SRGAP2C: variants seen among roughly 807,000 people sequenced by gnomAD.
The protein encoded by SRGAP2C is SLIT-ROBO Rho GTPase-activating protein 2C.
Under a neutral mutation model 25.1 loss-of-function variants are expected in SRGAP2C, and 15 were observed. The observed-to-expected ratio is 0.60, with a 90% CI of 0.40 to 0.92. The LOEUF is 0.92. Ranked by LOEUF, SRGAP2C falls within the 40% of genes least tolerant of loss-of-function variation. SRGAP2C has a pLI of 0.00. For synonymous variants in SRGAP2C, 44 were observed against 96.6 expected (o/e 0.46, Z 3.19); for missense variants, 144 against 264.4 (o/e 0.54, Z 3.16).
intron 3 of SRGAP2C, among the ~76,000 whole-genome samples, chr1:121,289,452 G>A (rs1376157063): frequency 1.7e-4 from 25 of 143,800 alleles, no homozygotes; most frequent in South Asian, 2.3e-4. Context: ...GCCCGCAAGC[G>A]CCGCACGCAG....
chr1:121,315,637 A>G (rs1658080969), intron 3 of SRGAP2C, among the ~76,000 whole-genome samples: 1 of 148,086 alleles, frequency 6.8e-6, no homozygotes, highest in South Asian at 2.1e-4. Context: ...ATGGACATAC[A>G]AATTTGGTCA....
intron 2 of SRGAP2C, among the ~76,000 whole-genome samples, chr1:121,270,922 A>T (rs1202772325): frequency 6.6e-6 from 1 of 150,450 alleles, no homozygotes; most frequent in Non-Finnish European, 1.5e-5. Context: ...CCTCCTGAGT[A>T]GCTGGGACTA....
chr1:121,206,859 G>T (rs1331960198), intron 2 of SRGAP2C, among the ~76,000 whole-genome samples: 2 of 151,378 alleles, frequency 1.3e-5, no homozygotes, highest in East Asian at 3.9e-4. Flanking sequence ...TGCCGAGATG[G>T]GTGTGGGGCC....
chr1:121,202,262 G>A, intron 2 of SRGAP2C, among the ~76,000 whole-genome samples: 1 of 152,108 alleles, frequency 6.6e-6, no homozygotes, highest in Non-Finnish European at 1.5e-5. Flanking sequence ...GAAGGAGGAG[G>A]CTATTGATGA....
intron 2 of SRGAP2C, among the ~76,000 whole-genome samples, chr1:121,228,751 G>A (rs1655744146): frequency 6.6e-6 from 1 of 151,444 alleles, no homozygotes; most frequent in Non-Finnish European, 1.5e-5. Context: ...TTAAACACTT[G>A]AATATAGTAA....
intron 2 of SRGAP2C, among the ~76,000 whole-genome samples, chr1:121,225,712 A>G (rs1250036018): frequency 2.6e-5 from 4 of 151,406 alleles, no homozygotes; most frequent in African/African-American, 4.9e-5. Flanking sequence ...TAATGTTTTA[A>G]AACTTTTTTT....
In SRGAP2C at chr1:121,249,574, A is replaced by AT. The variant is rs1325356455; in HGVS notation, c.68-35228dup. On this transcript the variant is annotated intron_variant, in intron 2 of 9. Transcript: ENST00000367123. ...TATATATATATATATATATATATAT[A>AT]TATATATTTTTTTTTTTTTTTTTTA... Among the ~76,000 whole-genome samples, 137 of 20,444 alleles carry AT rather than the reference A, an allele frequency of 6.7e-3. 1 individual carries two copies. Among genetic ancestry groups the AT allele is most frequent in the Non-Finnish European group, 0.011 (114 of 10,310 alleles). 13.4% of individuals were successfully genotyped at this position (20,444 alleles called of 152,430 possible).
At chr1:121,202,450 G>A (rs1655008065) in intron 2 of SRGAP2C, among the ~76,000 whole-genome samples, 1 of 144,206 alleles carries the variant, frequency 6.9e-6, no homozygotes. Context: ...TTTTTTTGAG[G>A]CAGAGTCTTG....
At chr1:121,278,395 T>TCAGTCACTG (rs2101559570) in intron 2 of SRGAP2C, among the ~76,000 whole-genome samples, 1 of 150,786 alleles carries the variant, frequency 6.6e-6, no homozygotes, top group Admixed American at 6.6e-5. Flanking sequence ...GTAAGTAATG[T>TCAGTCACTG]CAGTCACTGA....
In SRGAP2C at chr1:121,199,556, C is replaced by T. The variant is rs587755568; in HGVS notation, c.67+12043C>T. On this transcript the variant is annotated intron_variant, in intron 2 of 9. Transcript: ENST00000367123. ...CTGTAATCCCAGCACTTTGGGAGGC[C>T]GAGGCAGGCAGATCACCTAAGGTCA... Among the ~76,000 whole-genome samples the T allele has an allele frequency of 2.0e-4, 15 of 76,602 alleles. 2 individuals carry two copies. Among genetic ancestry groups the T allele is most frequent in the Middle Eastern group, 5.2e-3 (1 of 194 alleles). The allele number at this position is 76,602 out of a possible 152,430, so 50.3% of individuals were successfully genotyped here.
intron 2 of SRGAP2C, among the ~76,000 whole-genome samples, chr1:121,207,073 A>AT (rs1655131192): frequency 6.6e-6 from 1 of 150,508 alleles, no homozygotes; most frequent in Non-Finnish European, 1.5e-5. Context: ...TGACAATGCC[A>AT]CCCCCATCCG....
chr1:121,289,607 A>C (rs1474570769), intron 3 of SRGAP2C, among the ~76,000 whole-genome samples: 4 of 104,530 alleles, frequency 3.8e-5, no homozygotes, highest in Non-Finnish European at 7.7e-5. Context: ...GTGGGAGCCC[A>C]GGCAGGGGAG....
At chr1:121,255,354 C>A (rs587612607) in intron 2 of SRGAP2C, among the ~76,000 whole-genome samples, 10 of 151,806 alleles carry the variant, frequency 6.6e-5, no homozygotes, top group Non-Finnish European at 1.3e-4. Flanking sequence ...AGTGCTTCTA[C>A]AATGGGATAT....
chr1:121,207,433 A>ACCT, intron 2 of SRGAP2C, among the ~76,000 whole-genome samples: 1 of 150,498 alleles, frequency 6.6e-6, no homozygotes, highest in East Asian at 2.0e-4. Context: ...CCACCACCTG[A>ACCT]CCTCCCATGG....
At chr1:121,283,442 A>G (rs1414270019) in intron 2 of SRGAP2C, among the ~76,000 whole-genome samples, 1 of 151,054 alleles carries the variant, frequency 6.6e-6, no homozygotes, top group Non-Finnish European at 1.5e-5. Flanking sequence ...TGCTTCAAGA[A>G]CATTTCAGCA....
chr1:121,186,583 C>G (rs71238980), intron 1 of SRGAP2C, among the ~76,000 whole-genome samples: 1 of 151,606 alleles, frequency 6.6e-6, no homozygotes, highest in Admixed American at 6.6e-5. Context: ...AGGGCTCCCT[C>G]GGGCTGGCCG....
rs587724048 is a variant in SRGAP2C, at chr1:121,264,646, A to C, written c.68-20157A>C. On this transcript the variant is annotated intron_variant, in intron 2 of 9. Coordinates refer to ENST00000367123, the MANE Select transcript of SRGAP2C (RefSeq NM_001329984.2). ...GGAGTACTTTTCCTGCCTTCTTCCCATAGGTAATTCCAATCCTTTACATCT... is the reference window on the plus strand; with the variant it reads ...GGAGTACTTTTCCTGCCTTCTTCCCCTAGGTAATTCCAATCCTTTACATCT... Among the ~76,000 whole-genome samples the C allele has an allele frequency of 1.9e-3, 282 of 151,380 alleles. 7 individuals are homozygous for C. The highest frequency in any genetic ancestry group is 0.018 in the South Asian group (86 of 4,780).
At chr1:121,206,457 G>T (rs1415003597) in intron 2 of SRGAP2C, among the ~76,000 whole-genome samples, 1 of 152,144 alleles carries the variant, frequency 6.6e-6, no homozygotes, top group Non-Finnish European at 1.5e-5. Flanking sequence ...TTCATACTGG[G>T]GCAACAAAGA....
intron 4 of SRGAP2C, among the ~76,000 whole-genome samples, chr1:121,352,968 T>G (rs1570801798): frequency 6.7e-6 from 1 of 148,880 alleles, no homozygotes; most frequent in African/African-American, 2.5e-5. Flanking sequence ...CGGGCACCTG[T>G]AGTCCCAGCT....
Sources: allele counts gnomAD v4.1 joint callset (sites outside exome capture counted in the v4.1 genomes callset), GRCh38; gene constraint gnomAD v4.1.1; transcripts MANE v1.5; gene names NCBI Gene and HGNC (gene_info 2026-07-23, HGNC 2026-07-21).